Variants in CNTN6 observed in about 807,000 individuals in gnomAD.
The protein encoded by CNTN6 is contactin 6, also known as contactin-6.
In CNTN6, 137 loss-of-function variants were observed where a neutral mutation model predicts 122.8. The observed-to-expected ratio is 1.12, with a 90% CI of 0.97 to 1.29. CNTN6 has a LOEUF of 1.29. Ranked by LOEUF, CNTN6 falls within the 50% of genes most tolerant of loss-of-function variation. The pLI is 0.00. For missense variants in CNTN6, 1,634 were observed against 1,223.4 expected (o/e 1.34, Z -5.01); for synonymous variants, 570 against 426.0 (o/e 1.34, Z -4.16).
At chr3:1,315,652 A>G (rs986871084) in intron 7 of CNTN6, among the ~76,000 whole-genome samples, 1 of 151,890 alleles carries the variant, frequency 6.6e-6, no homozygotes, top group Non-Finnish European at 1.5e-5. Context: ...CATTTCCTTC[A>G]GTTTGGAGAG....
intron 17 of CNTN6, among the ~76,000 whole-genome samples, chr3:1,381,764 A>G (rs1187670845): frequency 6.6e-6 from 1 of 151,960 alleles, no homozygotes; most frequent in African/African-American, 2.4e-5. Flanking sequence ...CTGCTACTCC[A>G]TGTTCTCTAC....
At chr3:1,123,831 T>C (rs1001402465) in intron 1 of CNTN6, among the ~76,000 whole-genome samples, 7 of 152,008 alleles carry the variant, frequency 4.6e-5, no homozygotes, top group Non-Finnish European at 1.0e-4. Context: ...TTCCCTCCAA[T>C]GTCCTTTATT....
In CNTN6 at chr3:1,197,271, T is replaced by A. The variant is rs187191734; in HGVS notation, c.56-23416T>A. 1.0e-3 allele frequency among the ~76,000 whole-genome samples: 156 copies of A among 152,302 alleles called. 1 individual carries two copies. The highest frequency in any genetic ancestry group is 8.5e-3 in the Admixed American group (130 of 15,298). On this transcript the variant is annotated intron_variant, in intron 2 of 22. Transcript: ENST00000446702. ...TTTCTGATTAATCTTTGGCTGGTCA[T>A]TGAGGATACTGAAGCAGCTCCTGGT...
At chr3:1,292,402 T>A (rs1242000771) in intron 5 of CNTN6, among the ~76,000 whole-genome samples, 1 of 152,198 alleles carries the variant, frequency 6.6e-6, no homozygotes, top group East Asian at 1.9e-4. Context: ...TTGATATTTT[T>A]AATTCCTCTT....
At chr3:1,367,005 G>A (rs1708325281) in intron 12 of CNTN6, among the ~76,000 whole-genome samples, 1 of 151,812 alleles carries the variant, frequency 6.6e-6, no homozygotes, top group Non-Finnish European at 1.5e-5. Context: ...AACTTTTTCA[G>A]CAAAAAATGC....
intron 2 of CNTN6, among the ~76,000 whole-genome samples, chr3:1,190,176 A>C (rs985411802): frequency 3.3e-5 from 5 of 152,134 alleles, no homozygotes; most frequent in African/African-American, 9.7e-5. Context: ...GGAGAGAGAA[A>C]GAGAGGGGAG....
intron 11 of CNTN6, among the ~76,000 whole-genome samples, chr3:1,345,942 T>C (rs1326242261): frequency 6.6e-6 from 1 of 152,092 alleles, no homozygotes; most frequent in Admixed American, 6.6e-5. Context: ...AGTATTGCTC[T>C]AGTTTCAGCA....
intron 11 of CNTN6, among the ~76,000 whole-genome samples, chr3:1,335,651 A>G (rs966600674): frequency 1.3e-5 from 2 of 152,174 alleles, no homozygotes; most frequent in Non-Finnish European, 2.9e-5. Context: ...GGGTTTGGTC[A>G]TAGCGGACAT....
intron 20 of CNTN6, among the ~76,000 whole-genome samples, chr3:1,399,964 G>A (rs1046100875): frequency 1.3e-5 from 2 of 152,090 alleles, no homozygotes; most frequent in African/African-American, 2.4e-5. Context: ...GTGATTGAGT[G>A]AACAATAGTG....
intron 5 of CNTN6, among the ~76,000 whole-genome samples, chr3:1,281,531 C>G (rs1219018722): frequency 6.7e-6 from 1 of 149,574 alleles, no homozygotes; most frequent in Non-Finnish European, 1.5e-5. Flanking sequence ...GTGGCCCCAT[C>G]TCTGCTCACC....
intron 4 of CNTN6, among the ~76,000 whole-genome samples, chr3:1,232,753 T>C (rs1448215607): frequency 6.6e-6 from 1 of 152,184 alleles, no homozygotes; most frequent in African/African-American, 2.4e-5. Context: ...GAAATTGACC[T>C]ATAACAGAGT....
chr3:1,294,340 G>T (rs2125858787), intron 5 of CNTN6, among the ~76,000 whole-genome samples: 2 of 152,150 alleles, frequency 1.3e-5, no homozygotes, highest in Middle Eastern at 6.9e-3. Flanking sequence ...AAAGAATTCA[G>T]ACATAAAATA....
chr3:1,225,545 AC>A (rs2094270053), intron 3 of CNTN6, among the ~76,000 whole-genome samples: 1 of 152,250 alleles, frequency 6.6e-6, no homozygotes, highest in African/African-American at 2.4e-5. Flanking sequence ...GAGCTGGCAA[AC>A]TAAATATGGT....
At chr3:1,389,736 CA>C (rs1693809070) in intron 20 of CNTN6, among the ~76,000 whole-genome samples, 1 of 149,220 alleles carries the variant, frequency 6.7e-6, no homozygotes, top group Non-Finnish European at 1.5e-5. Context: ...CAATGGAAAA[CA>C]AAAAAAGGCA....
At chr3:1,164,432 T>C (rs1159004487) in intron 2 of CNTN6, among the ~76,000 whole-genome samples, 2 of 152,274 alleles carry the variant, frequency 1.3e-5, no homozygotes, top group Non-Finnish European at 2.9e-5. Flanking sequence ...GTCTTCCTCC[T>C]AAAATGAATC....
At chr3:1,183,868 G>A (rs1226415074) in intron 2 of CNTN6, among the ~76,000 whole-genome samples, 3 of 152,152 alleles carry the variant, frequency 2.0e-5, no homozygotes, top group African/African-American at 7.2e-5. Flanking sequence ...CTCATGACTG[G>A]GTTGTCATGC....
chr3:1,122,690 G>T (rs1336538469), intron 1 of CNTN6, among the ~76,000 whole-genome samples: 15 of 151,818 alleles, frequency 9.9e-5, no homozygotes, highest in African/African-American at 2.9e-4. Flanking sequence ...TGTATAAATG[G>T]ATTCATGCAA....
At chr3:1,389,976 C>A (rs1018689483) in intron 20 of CNTN6, among the ~76,000 whole-genome samples, 9 of 150,830 alleles carry the variant, frequency 6.0e-5, no homozygotes, top group Non-Finnish European at 1.2e-4. Flanking sequence ...CTTTAACAAC[C>A]CACTGTCAAC....
chr3:1,233,265 A>T (rs1053651153), intron 4 of CNTN6, among the ~76,000 whole-genome samples: 7 of 152,104 alleles, frequency 4.6e-5, no homozygotes, highest in African/African-American at 1.7e-4. Flanking sequence ...GACCAAATAT[A>T]TTATGTGGAA....
Sources: allele counts gnomAD v4.1 joint callset (sites outside exome capture counted in the v4.1 genomes callset), GRCh38; gene constraint gnomAD v4.1.1; transcripts MANE v1.5; gene names NCBI Gene and HGNC (gene_info 2026-07-23, HGNC 2026-07-21).